HPSE2: variants seen among roughly 807,000 people sequenced by gnomAD.
The protein encoded by HPSE2 is inactive heparanase-2.
Under a neutral mutation model 60.5 loss-of-function variants are expected in HPSE2, and 38 were observed. The ratio of observed to expected loss-of-function variants is 0.63; its 90% CI spans 0.48 to 0.82. The LOEUF (loss-of-function observed/expected upper bound fraction) is 0.82. HPSE2 is among the 40% of genes least tolerant of loss of function. The probability of loss-of-function intolerance (pLI) is 0.00; values close to 1 mark genes in which losing one functional copy is unlikely to be tolerated. For missense variants in HPSE2, 713 were observed against 740.4 expected (o/e 0.96, Z 0.43); for synonymous variants, 295 against 293.2 (o/e 1.01, Z -0.06).
At chr10:99,104,625 C>G (rs191994793) in intron 3 of HPSE2, among the ~76,000 whole-genome samples, 2 of 152,090 alleles carry the variant, frequency 1.3e-5, no homozygotes, top group African/African-American at 2.4e-5. Flanking sequence ...TTGTTTATTG[C>G]GGCACTCTTC....
chr10:98,938,029 C>G (rs1380379526), intron 3 of HPSE2, among the ~76,000 whole-genome samples: 1 of 143,372 alleles, frequency 7.0e-6, no homozygotes, highest in African/African-American at 2.8e-5. Context: ...GCTGAGGGTC[C>G]TGTCTGTTAG....
intron 11 of HPSE2, among the ~76,000 whole-genome samples, chr10:98,464,156 A>G (rs888101334): frequency 6.6e-6 from 1 of 152,200 alleles, no homozygotes; most frequent in South Asian, 2.1e-4. Context: ...TTTCAAAAGT[A>G]AATGCTAGTC....
chr10:98,795,208 C>T (rs765845013), intron 3 of HPSE2, among the ~76,000 whole-genome samples: 80 of 152,122 alleles, frequency 5.3e-4, no homozygotes, highest in Non-Finnish European at 4.7e-4. Context: ...GTCACAAGAA[C>T]CAAAAATCAG....
At chr10:98,979,732 C>T (rs1339402278) in intron 3 of HPSE2, among the ~76,000 whole-genome samples, 3 of 152,112 alleles carry the variant, frequency 2.0e-5, no homozygotes, top group Admixed American at 1.3e-4. Flanking sequence ...AGAACTACTA[C>T]AGAACAACAA....
At chr10:98,790,788 CAATT>C (rs1407803738) in intron 3 of HPSE2, among the ~76,000 whole-genome samples, 1 of 151,388 alleles carries the variant, frequency 6.6e-6, no homozygotes, top group Non-Finnish European at 1.5e-5. Context: ...TATAATTTGT[CAATT>C]AAAATAAAAA....
intron 3 of HPSE2, among the ~76,000 whole-genome samples, chr10:99,112,411 TGTTG>T (rs1245108925): frequency 5.7e-5 from 5 of 87,794 alleles, no homozygotes; most frequent in Admixed American, 1.3e-4. Flanking sequence ...GGCTTTTTTT[TGTTG>T]TGTTTTGTTT....
intron 2 of HPSE2, among the ~76,000 whole-genome samples, chr10:99,187,662 A>G (rs866810494): frequency 2.6e-5 from 4 of 152,212 alleles, no homozygotes; most frequent in Non-Finnish European, 5.9e-5. Context: ...GTCATTAGGG[A>G]AATGCAAATG....
intron 3 of HPSE2, among the ~76,000 whole-genome samples, chr10:99,084,128 T>C (rs1411339426): frequency 6.6e-6 from 1 of 152,112 alleles, no homozygotes; most frequent in East Asian, 1.9e-4. Flanking sequence ...CTTGTTTGTC[T>C]TGTGCCCTTT....
At chr10:98,503,518 C>A (rs1483270534) in intron 9 of HPSE2, among the ~76,000 whole-genome samples, 1 of 152,198 alleles carries the variant, frequency 6.6e-6, no homozygotes, top group Non-Finnish European at 1.5e-5. Context: ...TACTGGGTAT[C>A]TACCCAGAGG....
chr10:98,486,270 A>G (rs1158040248), intron 10 of HPSE2, among the ~76,000 whole-genome samples: 1 of 152,196 alleles, frequency 6.6e-6, no homozygotes, highest in Non-Finnish European at 1.5e-5. Context: ...ACCACAGAAA[A>G]ATAATCTTGG....
intron 3 of HPSE2, among the ~76,000 whole-genome samples, chr10:98,801,508 A>G (rs1181356240): frequency 6.6e-6 from 1 of 152,178 alleles, no homozygotes; most frequent in Non-Finnish European, 1.5e-5. Context: ...AAGTTGCAGG[A>G]TACAAAATCA....
At chr10:98,575,738 TATC>T (rs1187101552) in intron 9 of HPSE2, among the ~76,000 whole-genome samples, 4 of 152,198 alleles carry the variant, frequency 2.6e-5, no homozygotes, top group African/African-American at 4.8e-5. Flanking sequence ...GCAATGTTAT[TATC>T]ATGCCATGGT....
At chr10:99,106,659 C>G (rs1322773677) in intron 3 of HPSE2, among the ~76,000 whole-genome samples, 1 of 151,720 alleles carries the variant, frequency 6.6e-6, no homozygotes, top group Non-Finnish European at 1.5e-5. Context: ...TGCCACTTAC[C>G]TAAGGGCTTA....
intron 3 of HPSE2, among the ~76,000 whole-genome samples, chr10:98,943,435 T>C (rs1301158847): frequency 2.0e-5 from 3 of 151,970 alleles, no homozygotes; most frequent in African/African-American, 7.3e-5. Flanking sequence ...CAAAGATCAT[T>C]TCTGTACCCT....
chr10:98,724,446 T>G (rs1414615772), intron 4 of HPSE2, among the ~76,000 whole-genome samples: 1 of 152,182 alleles, frequency 6.6e-6, no homozygotes, highest in Non-Finnish European at 1.5e-5. Context: ...ATTCTGTTGA[T>G]TTGGGGTGCA....
chr10:98,695,062 T>C (rs1948176480), intron 5 of HPSE2, among the ~76,000 whole-genome samples: 1 of 152,196 alleles, frequency 6.6e-6, no homozygotes, highest in South Asian at 2.1e-4. Flanking sequence ...TGGGTTGCTG[T>C]GTATTGCCTA....
At position 98,837,828 on chromosome 10, in the gene HPSE2, C is replaced by T. The variant is rs192664955; in HGVS notation, c.611-93772G>A. Among the ~76,000 whole-genome samples the T allele has an allele frequency of 1.4e-3, 214 of 151,072 alleles. 1 individual carries two copies. The highest frequency in any genetic ancestry group is 0.012 in the Admixed American group (180 of 15,134). ...GGCGGAGCTTACAGTGAGCCGAGAT[C>T]GTGCCACTGCACTCCAGCCTGGGCG... On this transcript the variant is annotated intron_variant, in intron 3 of 11. Transcript: ENST00000370552.
chr10:98,868,364 G>A (rs117780022), intron 3 of HPSE2, among the ~76,000 whole-genome samples: 1 of 152,012 alleles, frequency 6.6e-6, no homozygotes, highest in South Asian at 2.1e-4. Flanking sequence ...GGGAGGTGGT[G>A]TGGGCAGCGG....
At chr10:98,943,277 TA>T (rs1377367286) in intron 3 of HPSE2, among the ~76,000 whole-genome samples, 2 of 151,448 alleles carry the variant, frequency 1.3e-5, no homozygotes, top group Non-Finnish European at 2.9e-5. Context: ...TAAATAAAAA[TA>T]AAAATAATTA....
Sources: allele counts gnomAD v4.1 joint callset (sites outside exome capture counted in the v4.1 genomes callset), GRCh38; gene constraint gnomAD v4.1.1; transcripts MANE v1.5; gene names NCBI Gene and HGNC (gene_info 2026-07-23, HGNC 2026-07-21).